NNT: variants seen among roughly 807,000 people sequenced by gnomAD.
The protein encoded by NNT is NAD(P) transhydrogenase, mitochondrial.
NNT carries 50 observed loss-of-function variants against 104.8 expected under a neutral mutation model. That is an observed-to-expected ratio of 0.48 (90% CI 0.38 to 0.60). The LOEUF (loss-of-function observed/expected upper bound fraction) is 0.60. NNT is among the 20% of genes least tolerant of loss of function. The probability of loss-of-function intolerance (pLI) is 0.00; values close to 1 mark genes in which losing one functional copy is unlikely to be tolerated. For synonymous variants in NNT, 461 were observed against 490.4 expected, an observed-to-expected ratio of 0.94 and a Z score of 0.79; for missense variants, 1,131 against 1,330.7, an observed-to-expected ratio of 0.85 and a Z score of 2.33.
At chr5:43,691,191 C>A (rs933887861) in intron 19 of NNT, among the ~76,000 whole-genome samples, 1 of 152,064 alleles carries the variant, frequency 6.6e-6, no homozygotes, top group South Asian at 2.1e-4. Context: ...CCTCCGCCTC[C>A]TGGGTTCAAG....
intron 6 of NNT, among the ~76,000 whole-genome samples, chr5:43,626,408 C>T (rs1750367145): frequency 6.6e-6 from 1 of 151,978 alleles, no homozygotes; most frequent in Non-Finnish European, 1.5e-5. Context: ...AACCAATTCC[C>T]CATGGATACT....
chr5:43,632,305 A>G (rs756644439), intron 7 of NNT, among the ~76,000 whole-genome samples: 1 of 152,160 alleles, frequency 6.6e-6, no homozygotes, highest in Non-Finnish European at 1.5e-5. Context: ...GAAATTCTCT[A>G]AGCTAAGATT....
At chr5:43,638,000 G>A (rs965400651) in intron 7 of NNT, among the ~76,000 whole-genome samples, 7 of 152,090 alleles carry the variant, frequency 4.6e-5, no homozygotes, top group African/African-American at 1.2e-4. Flanking sequence ...CACGTATCAC[G>A]GGAAGGACCA....
chr5:43,619,859 A>C (rs13161838), intron 5 of NNT, among the ~76,000 whole-genome samples: 21,834 of 152,136 alleles, frequency 0.14, 2,351 homozygotes, highest in African/African-American at 0.3. Context: ...GTGAGGGCCT[A>C]AAGGCTGCTT....
chr5:43,622,723 A>G (rs1038097292), intron 5 of NNT, among the ~76,000 whole-genome samples: 56 of 152,232 alleles, frequency 3.7e-4, no homozygotes, highest in Admixed American at 1.3e-4. Context: ...AGAACTAGTT[A>G]GTAACAGAGT....
At chr5:43,686,933 A>G (rs1742020515) in intron 19 of NNT, among the ~76,000 whole-genome samples, 2 of 152,182 alleles carry the variant, frequency 1.3e-5, no homozygotes, top group African/African-American at 2.4e-5. Flanking sequence ...GTGGCAATCT[A>G]GAACTCTTAA....
intron 1 of NNT, among the ~76,000 whole-genome samples, chr5:43,604,231 C>A (rs951334687): frequency 6.6e-6 from 1 of 152,180 alleles, no homozygotes; most frequent in Non-Finnish European, 1.5e-5. Flanking sequence ...CCGGCCAGTC[C>A]TTAGGTGGTC....
At chr5:43,606,927 T>C (rs963555149) in intron 1 of NNT, among the ~76,000 whole-genome samples, 1 of 152,218 alleles carries the variant, frequency 6.6e-6, no homozygotes, top group Non-Finnish European at 1.5e-5. Context: ...CAATGCTGCT[T>C]TCTGGTATTT....
At chr5:43,660,805 G>A (rs777455589) in intron 17 of NNT, among the ~76,000 whole-genome samples, 6 of 152,134 alleles carry the variant, frequency 3.9e-5, no homozygotes, top group East Asian at 1.9e-4. Context: ...ACAGCAAGGC[G>A]GAAGTCAGCC....
chr5:43,700,013 A>C (rs910701799), intron 19 of NNT, 106 bp from the exon 20 acceptor site: 1 of 758,746 alleles, frequency 1.3e-6, no homozygotes, highest in African/African-American at 1.8e-5. Context: ...ACCAGAAAAA[A>C]GCAGAGGTGC....
At chr5:43,610,294 G>T (rs1041224363) in intron 2 of NNT, among the ~76,000 whole-genome samples, 1 of 150,944 alleles carries the variant, frequency 6.6e-6, no homozygotes, top group Non-Finnish European at 1.5e-5. Flanking sequence ...GACCCGAGCA[G>T]GTTGTCCCCC....
intron 7 of NNT, among the ~76,000 whole-genome samples, chr5:43,632,691 A>G (rs564860500): frequency 6.6e-6 from 1 of 152,266 alleles, no homozygotes; most frequent in East Asian, 1.9e-4. Context: ...AAAGCTCTCT[A>G]CTTTCCTGTC....
intron 4 of NNT, 94 bp downstream of exon 4, chr5:43,616,159 T>A: frequency 1.9e-6 from 2 of 1,044,390 alleles, no homozygotes; most frequent in Non-Finnish European, 2.8e-6. Context: ...ATTTTATTTG[T>A]AATTATTGTT....
At chr5:43,628,599 T>C (rs1750498508) in intron 7 of NNT, among the ~76,000 whole-genome samples, 1 of 152,164 alleles carries the variant, frequency 6.6e-6, no homozygotes, top group Non-Finnish European at 1.5e-5. Flanking sequence ...AAAAATTTTT[T>C]TTTTGAGATG....
chr5:43,634,901 C>T (rs1033285515), intron 7 of NNT, among the ~76,000 whole-genome samples: 2 of 152,098 alleles, frequency 1.3e-5, no homozygotes, highest in Non-Finnish European at 2.9e-5. Context: ...TTTATGGCAT[C>T]GTTATACTTT....
intron 17 of NNT, among the ~76,000 whole-genome samples, chr5:43,661,985 A>G (rs1740394654): frequency 6.6e-6 from 1 of 152,192 alleles, no homozygotes; most frequent in Non-Finnish European, 1.5e-5. Flanking sequence ...AGGAATCAGA[A>G]AGTGGCTTTT....
In NNT at chr5:43,649,134, T is replaced by C. The variant is rs1739614350; in HGVS notation, c.1445-13T>C. The C allele has an allele frequency of 6.2e-7, 1 of 1,613,710 alleles. No homozygotes were observed. Among genetic ancestry groups the C allele is most frequent in the Non-Finnish European group, 8.5e-7 (1 of 1,179,796 alleles). ...ATGTCAGCTCAAACACACTCTTTAC[T>C]CTCTTTCTCTAGGTCTCACAGGGAT... On this transcript the variant is annotated splice_polypyrimidine_tract_variant and intron_variant, in intron 10 of 21. Transcript: ENST00000344920.
intron 6 of NNT, among the ~76,000 whole-genome samples, chr5:43,626,447 C>T (rs560746216): frequency 1.3e-5 from 2 of 151,974 alleles, no homozygotes; most frequent in African/African-American, 4.8e-5. Context: ...TGAGAACATA[C>T]ATTTATGGAG....
intron 19 of NNT, among the ~76,000 whole-genome samples, chr5:43,678,964 T>C (rs1419279595): frequency 6.6e-6 from 1 of 152,230 alleles, no homozygotes; most frequent in Non-Finnish European, 1.5e-5. Context: ...TTGTCAAATA[T>C]ATAGAATCAA....
Sources: gnomAD v4.1 joint callset for allele counts (sites outside exome capture counted in the v4.1 genomes callset) on GRCh38, gnomAD v4.1.1 for gene constraint, MANE v1.5 for transcripts, NCBI Gene and HGNC (gene_info 2026-07-23, HGNC 2026-07-21) for gene names.